The following MYO16 variants were observed in gnomAD, a reference collection of about 807,000 sequenced individuals.
MYO16 encodes unconventional myosin-XVI.
A neutral mutation model predicts 205.3 loss-of-function variants in MYO16; 94 were observed. The ratio of observed to expected loss-of-function variants is 0.46; its 90% CI spans 0.39 to 0.54. The LOEUF is 0.54. Ranked by LOEUF, MYO16 falls within the 20% of genes least tolerant of loss-of-function variation. The probability of loss-of-function intolerance (pLI) is 0.00; values close to 1 mark genes in which losing one functional copy is unlikely to be tolerated. For missense variants in MYO16, 2,315 were observed against 2,387.5 expected (o/e 0.97, Z 0.63); for synonymous variants, 988 against 954.0 (o/e 1.04, Z -0.66).
At chr13:109,094,258 T>G (rs1464937273) in intron 27 of MYO16, among the ~76,000 whole-genome samples, 1 of 152,364 alleles carries the variant, frequency 6.6e-6, no homozygotes, top group Middle Eastern at 3.4e-3. Flanking sequence ...TCATCCAGGC[T>G]GGAGTACAAT....
At chr13:108,792,711 T>C (rs765903537) in intron 5 of MYO16, among the ~76,000 whole-genome samples, 39 of 152,034 alleles carry the variant, frequency 2.6e-4, no homozygotes, top group Non-Finnish European at 4.9e-4. Flanking sequence ...GGGGTTTTGC[T>C]ATGTTGGCCA....
At chr13:108,800,639 C>T (rs1168622696) in intron 6 of MYO16, among the ~76,000 whole-genome samples, 2 of 152,064 alleles carry the variant, frequency 1.3e-5, no homozygotes, top group African/African-American at 2.4e-5. Context: ...TGAAGAAGAC[C>T]TGAAATTATT....
rs537154236 is a variant in MYO16 at position 108,750,651 on chromosome 13, A to G, written c.507+23068A>G. ...AAAAAAGAAAGAAAGAAAAGAAAAA[A>G]AGAAAATTAGCCAAGCGTGGTGGCG... On this transcript the variant is annotated intron_variant, in intron 4 of 34. Coordinates refer to ENST00000457511, the MANE Select transcript of MYO16 (RefSeq NM_001198950.3). 3.9e-5 allele frequency among the ~76,000 whole-genome samples: 6 copies of G among 151,910 alleles called. No individual in the cohort carries two copies. In the South Asian group the frequency reaches 1.0e-3, roughly 26 times the overall value.
rs562607338 is a variant in MYO16, at chr13:108,931,840, A to G, written c.1925+21690A>G. On this transcript the variant is annotated intron_variant, in intron 16 of 34. Transcript: ENST00000457511. ...GCTTAAGGCTTCTTCTGATTTGCAA[A>G]TCATCTGATGCATTTACTTTACCAG... 2.0e-5 allele frequency among the ~76,000 whole-genome samples: 3 copies of G among 152,314 alleles called. No individual in the cohort carries two copies. The South Asian group carries it at 6.2e-4, about 32-fold the overall frequency.
chr13:109,111,486 CT>C (rs1889282668), intron 28 of MYO16, among the ~76,000 whole-genome samples: 1 of 152,156 alleles, frequency 6.6e-6, no homozygotes, highest in African/African-American at 2.4e-5. Context: ...TTTGATGCAA[CT>C]ACGATAGTAC....
intron 12 of MYO16, among the ~76,000 whole-genome samples, chr13:108,874,573 G>A (rs1328511904): frequency 6.6e-6 from 1 of 151,912 alleles, no homozygotes; most frequent in Non-Finnish European, 1.5e-5. Flanking sequence ...ATTTTCTAAA[G>A]TCTTCCCATG....
chr13:109,060,149 G>A (rs952164386), intron 27 of MYO16, among the ~76,000 whole-genome samples: 5 of 152,052 alleles, frequency 3.3e-5, no homozygotes, highest in Non-Finnish European at 4.4e-5. Flanking sequence ...TATACTCAAA[G>A]GATTATAAAT....
intron 16 of MYO16, among the ~76,000 whole-genome samples, chr13:108,954,500 G>A (rs1407795533): frequency 1.3e-5 from 2 of 152,150 alleles, no homozygotes; most frequent in African/African-American, 4.8e-5. Context: ...CAGCACTTTG[G>A]GAGGCCAAGG....
chr13:108,798,621 A>G (rs1187607936), intron 6 of MYO16, among the ~76,000 whole-genome samples: 2 of 151,738 alleles, frequency 1.3e-5, no homozygotes, highest in African/African-American at 2.4e-5. Context: ...TATTATGAAG[A>G]CATTGTTGTT....
intron 14 of MYO16, among the ~76,000 whole-genome samples, chr13:108,897,101 C>A (rs907370737): frequency 6.6e-6 from 1 of 152,096 alleles, no homozygotes; most frequent in Admixed American, 6.5e-5. Flanking sequence ...CACTAGGGAA[C>A]AGGAAAACTA....
chr13:108,632,063 A>G (rs1212469697), intron 1 of MYO16, among the ~76,000 whole-genome samples: 1 of 144,226 alleles, frequency 6.9e-6, no homozygotes, highest in Non-Finnish European at 1.5e-5. Flanking sequence ...GGGTGACAAG[A>G]GCAAAACCCC....
intron 20 of MYO16, among the ~76,000 whole-genome samples, chr13:108,971,008 G>A (rs35364930): frequency 0.12 from 17,809 of 151,980 alleles, 1,261 homozygotes; most frequent in African/African-American, 0.19. Context: ...ATCATCCATA[G>A]GATTCTGAAA....
chr13:108,911,060 C>G (rs1284473412), intron 16 of MYO16, among the ~76,000 whole-genome samples: 2 of 136,460 alleles, frequency 1.5e-5, no homozygotes, highest in Admixed American at 1.6e-4. Flanking sequence ...CACACACACA[C>G]ACACACAGAG....
intron 28 of MYO16, among the ~76,000 whole-genome samples, chr13:109,117,901 A>G (rs1875802385): frequency 2.6e-5 from 4 of 152,146 alleles, no homozygotes; most frequent in South Asian, 2.1e-4. Context: ...CAGCATATCC[A>G]AATTGCTCCC....
intron 27 of MYO16, among the ~76,000 whole-genome samples, chr13:109,073,543 C>T (rs1218889328): frequency 3.9e-5 from 6 of 152,084 alleles, no homozygotes; most frequent in Admixed American, 3.3e-4. Flanking sequence ...GTATCTAAGC[C>T]TAAAACACAT....
intron 10 of MYO16, among the ~76,000 whole-genome samples, chr13:108,853,957 TGTGTGTGTG>T (rs1566370686): frequency 6.4e-5 from 7 of 109,742 alleles, no homozygotes; most frequent in African/African-American, 2.5e-4. Context: ...TCTATTATTG[TGTGTGTGTG>T]TGTGTGTGTG....
intron 4 of MYO16, among the ~76,000 whole-genome samples, chr13:108,739,235 G>A: frequency 6.6e-6 from 1 of 152,074 alleles, no homozygotes; most frequent in Non-Finnish European, 1.5e-5. Flanking sequence ...TAGCATCGAT[G>A]GTCTTTACAT....
chr13:108,527,131 A>C, the MYO16 span, among the ~76,000 whole-genome samples: 1 of 152,238 alleles, frequency 6.6e-6, no homozygotes, highest in Non-Finnish European at 1.5e-5. Flanking sequence ...CAAGTGAACA[A>C]GCACGGCTTT....
At chr13:108,519,185 T>C in the MYO16 span, among the ~76,000 whole-genome samples, 18 of 152,202 alleles carry the variant, frequency 1.2e-4, no homozygotes, top group African/African-American at 4.1e-4. Flanking sequence ...GAAGTCCAAA[T>C]TTCACACAGG....
Sources: gnomAD v4.1 joint callset for allele counts (sites outside exome capture counted in the v4.1 genomes callset) on GRCh38, gnomAD v4.1.1 for gene constraint, MANE v1.5 for transcripts, NCBI Gene and HGNC (gene_info 2026-07-23, HGNC 2026-07-21) for gene names.